Variants in MBTD1 observed in about 807,000 individuals in gnomAD.
MBTD1 encodes the protein MBT domain-containing protein 1.
A neutral mutation model predicts 87.8 loss-of-function variants in MBTD1; 24 were observed. The observed-to-expected ratio is 0.27, with a 90% confidence interval of 0.20 to 0.38. MBTD1 has a LOEUF of 0.38. MBTD1 is among the 10% of genes least tolerant of loss of function. The pLI is 1.00. For synonymous variants in MBTD1, 237 were observed against 248.6 expected (o/e 0.95, Z 0.44); for missense variants, 436 against 760.2 (o/e 0.57, Z 5.02).
rs1207158988 is a variant in MBTD1, at chr17:51,202,986, A to G, written c.829-51T>C. On this transcript the variant is annotated intron_variant, in intron 9 of 16. Coordinates refer to ENST00000586178, the MANE Select transcript of MBTD1 (RefSeq NM_017643.3). ...TCGAAATTCATGACAAAGGTCTACA[A>G]GAAATTTTTGTATTATACTGTAAAA... 3.4e-6 allele frequency: 5 copies of G among 1,468,152 alleles called. No homozygotes were observed. In the African/African-American group the frequency reaches 5.6e-5, roughly 16 times the overall value. 90.9% of individuals were successfully genotyped at this position (1,468,152 alleles called of 1,614,324 possible). A position where few individuals can be genotyped will look rare whatever the true frequency, so the allele number is the denominator to read the frequency against.
At chr17:51,258,108 G>T (rs1178017605) in intron 2 of MBTD1, among the ~76,000 whole-genome samples, 1 of 151,778 alleles carries the variant, frequency 6.6e-6, no homozygotes, top group Non-Finnish European at 1.5e-5. Flanking sequence ...CAAGAGCAAA[G>T]CAACAGTCTC....
In MBTD1 at chr17:51,219,062, A is replaced by G. The variant is rs1414411842; in HGVS notation, c.289-18T>C. 17 of 1,319,104 alleles carry G rather than the reference A, an allele frequency of 1.3e-5. No individual in the cohort carries two copies. Among genetic ancestry groups the G allele is most frequent in the Non-Finnish European group, 1.8e-5 (17 of 934,604 alleles). 81.7% of individuals were successfully genotyped at this position (1,319,104 alleles called of 1,614,324 possible). On this transcript the variant is annotated intron_variant, in intron 4 of 16. Transcript: ENST00000586178. ...GGCTTACCCTAAAACAAGAAAAGTT[A>G]AGTAAATAGGATTCTTTTTCATCCC...
At chr17:51,215,927 A>ATTTTT (rs35988235) in intron 6 of MBTD1, among the ~76,000 whole-genome samples, 10 of 114,198 alleles carry the variant, frequency 8.8e-5, no homozygotes, top group South Asian at 2.7e-4. Context: ...TAAAGCCCTA[A>ATTTTT]TTTTTTTTTT....
At chr17:51,252,329 C>G (rs1348787536) in intron 2 of MBTD1, among the ~76,000 whole-genome samples, 1 of 152,142 alleles carries the variant, frequency 6.6e-6, no homozygotes, top group African/African-American at 2.4e-5. Flanking sequence ...TTTCTCCCCC[C>G]TCCCCAATAC....
At chr17:51,197,011 TTTTGTC>T (rs1459274256) in intron 12 of MBTD1, among the ~76,000 whole-genome samples, 3 of 111,218 alleles carry the variant, frequency 2.7e-5, no homozygotes, top group East Asian at 2.5e-4. Flanking sequence ...TGCAGTTGAT[TTTTGTC>T]TTTATCTATT....
intron 15 of MBTD1, 130 bp downstream of exon 15, chr17:51,192,652 T>A: frequency 6.6e-7 from 1 of 1,505,098 alleles, no homozygotes; most frequent in Non-Finnish European, 8.9e-7. Flanking sequence ...AGTCTTAATG[T>A]CTTACCTGGC....
chr17:51,258,965 G>A (rs1398372028), intron 2 of MBTD1, among the ~76,000 whole-genome samples, 178 bp downstream of exon 2: 2 of 152,140 alleles, frequency 1.3e-5, no homozygotes, highest in Non-Finnish European at 1.5e-5. Flanking sequence ...GGGTGAGGAG[G>A]ATGTGAGAGA....
intron 2 of MBTD1, among the ~76,000 whole-genome samples, chr17:51,233,041 G>C (rs1253095215): frequency 8.8e-6 from 1 of 113,070 alleles, no homozygotes; most frequent in East Asian, 2.6e-4. Context: ...CTAGGTGACA[G>C]AGCGAGACCT....
intron 12 of MBTD1, among the ~76,000 whole-genome samples, chr17:51,201,299 C>A (rs1264934582): frequency 6.6e-6 from 1 of 152,148 alleles, no homozygotes. Context: ...GGCCTTGTTA[C>A]AATTCTGAAT....
chr17:51,217,403 T>G lies in MBTD1; in HGVS notation c.417A>C (p.Glu139Asp). 6.6e-7 allele frequency: 1 copy of G among 1,516,322 alleles called. No homozygotes were observed. Among genetic ancestry groups the G allele is most frequent in the Non-Finnish European group, 8.9e-7 (1 of 1,127,510 alleles). 93.9% of individuals were successfully genotyped at this position (1,516,322 alleles called of 1,614,324 possible). Residue 139 changes from glutamate to aspartate, a missense_variant, in exon 6 of 17, where the codon GAA becomes GAC. Glu to Asp is a conservative substitution (Grantham distance 45). Around this residue, in one of 5 missense-constraint regions of MBTD1, gnomAD observed 268 missense variants for 401.8 expected, o/e 0.67. Coordinates refer to ENST00000586178, the MANE Select transcript of MBTD1 (RefSeq NM_017643.3). ...TGATGTAGTTACCCCAGCTGAAACC[T>G]TCCATGGAGACTGCTAAAATGAAAC... ...QAKTKAAVSM[E>D]GFSWGNYINS...
chr17:51,210,088 G>A (rs546769726), intron 6 of MBTD1, among the ~76,000 whole-genome samples: 46 of 152,006 alleles, frequency 3.0e-4, no homozygotes, highest in Admixed American at 6.5e-4. Flanking sequence ...TGCAACCTCC[G>A]CCTCCTGGGT....
chr17:51,221,929 A>C (rs1289427512), intron 3 of MBTD1, among the ~76,000 whole-genome samples: 1 of 152,248 alleles, frequency 6.6e-6, no homozygotes. Context: ...TCTATGAGAA[A>C]TCATGGAAAA....
chr17:51,255,547 T>C (rs1598449542), intron 2 of MBTD1, among the ~76,000 whole-genome samples: 1 of 152,202 alleles, frequency 6.6e-6, no homozygotes, highest in East Asian at 1.9e-4. Flanking sequence ...CTCTAGCAAA[T>C]TTTAAAGCTT....
chr17:51,240,625 T>G (rs1310461437), intron 2 of MBTD1, among the ~76,000 whole-genome samples: 1 of 152,222 alleles, frequency 6.6e-6, no homozygotes, highest in Non-Finnish European at 1.5e-5. Flanking sequence ...TTATCAATGC[T>G]GACGTTGAAC....
At chr17:51,205,551 G>A (rs1439193826) in intron 7 of MBTD1, among the ~76,000 whole-genome samples, 3 of 152,144 alleles carry the variant, frequency 2.0e-5, no homozygotes, top group Non-Finnish European at 4.4e-5. Flanking sequence ...AAAAGATGGG[G>A]AATTGACTTG....
At chr17:51,252,910 C>A (rs185991946) in intron 2 of MBTD1, among the ~76,000 whole-genome samples, 169 of 151,774 alleles carry the variant, frequency 1.1e-3, no homozygotes, top group African/African-American at 3.9e-3. Flanking sequence ...AATTCATATA[C>A]TAAATAAATA....
chr17:51,242,012 C>A (rs1348489902), intron 2 of MBTD1, among the ~76,000 whole-genome samples: 3 of 152,188 alleles, frequency 2.0e-5, no homozygotes, highest in Non-Finnish European at 2.9e-5. Context: ...TCCTTACTTT[C>A]TTGCATAATA....
intron 3 of MBTD1, among the ~76,000 whole-genome samples, chr17:51,221,730 C>T (rs1380092094): frequency 6.6e-6 from 1 of 152,130 alleles, no homozygotes; most frequent in Admixed American, 6.5e-5. Flanking sequence ...ATTTGCATGG[C>T]ATTTACATTG....
intron 6 of MBTD1, chr17:51,209,245 C>T: frequency 2.6e-6 from 1 of 392,002 alleles, no homozygotes; most frequent in South Asian, 1.9e-5. Context: ...AGGAGGGATA[C>T]CTCTGAAAGT....
Sources: allele counts gnomAD v4.1 joint callset (sites outside exome capture counted in the v4.1 genomes callset), GRCh38; gene constraint gnomAD v4.1.1; regional missense constraint gnomAD v4.1.1; transcripts MANE v1.5; gene names NCBI Gene and HGNC (gene_info 2026-07-23, HGNC 2026-07-21).